The following ARHGAP24 variants were observed in gnomAD, a reference collection of about 807,000 sequenced individuals.
ARHGAP24 encodes the protein rho GTPase-activating protein 24.
Under a neutral mutation model 76.4 loss-of-function variants are expected in ARHGAP24, and 50 were observed. The ratio of observed to expected loss-of-function variants is 0.65; its 90% CI spans 0.52 to 0.83. ARHGAP24 has a LOEUF of 0.83. ARHGAP24 is among the 40% of genes least tolerant of loss of function. The pLI, the probability that ARHGAP24 is intolerant of heterozygous loss-of-function variation, is 0.00. For synonymous variants in ARHGAP24, 345 were observed against 323.3 expected, an observed-to-expected ratio of 1.07 and a Z score of -0.72; for missense variants, 930 against 914.2, an observed-to-expected ratio of 1.02 and a Z score of -0.22.
intron 3 of ARHGAP24, among the ~76,000 whole-genome samples, chr4:85,911,948 T>A (rs963586262): frequency 6.6e-6 from 1 of 152,212 alleles, no homozygotes; most frequent in East Asian, 1.9e-4. Context: ...ACTTGTGGCC[T>A]TCTGGCCTCC....
At chr4:85,648,674 A>T (rs894926077) in intron 2 of ARHGAP24, among the ~76,000 whole-genome samples, 2 of 152,140 alleles carry the variant, frequency 1.3e-5, no homozygotes, top group Non-Finnish European at 2.9e-5. Context: ...TGAGTTTTTA[A>T]TAGGAAGATT....
Position 85,994,716 on chromosome 4 carries a change from C to A in ARHGAP24, c.1062C>A (p.Thr354=). ...ACAATGAAATTCAGAAGAAAGCCAC[C>A]ATGGGGCAGTTACAGAACAAGGAGA... ...SNNNEIQKKA[T]MGQLQNKENN... is the part of the protein sequence containing the mutation. The change falls in exon 9 of 10, where the codon ACC becomes ACA. Residue 354 remains threonine (T), a synonymous_variant. Coordinates refer to ENST00000395184, the MANE Select transcript of ARHGAP24 (RefSeq NM_001025616.3). The A allele has an allele frequency of 2.5e-6, 4 of 1,614,098 alleles. No individual in the cohort carries two copies. The highest frequency in any genetic ancestry group is 3.4e-6 in the Non-Finnish European group (4 of 1,180,020).
chr4:85,762,576 T>G (rs11736641), intron 3 of ARHGAP24, among the ~76,000 whole-genome samples: 75,906 of 152,036 alleles, frequency 0.5, 22,358 homozygotes, highest in Non-Finnish European at 0.68. Context: ...AAAACAAATG[T>G]GTGAGAAAGA....
chr4:85,479,733 C>A (rs144926061), intron 1 of ARHGAP24, among the ~76,000 whole-genome samples: 27 of 152,248 alleles, frequency 1.8e-4, no homozygotes, highest in African/African-American at 6.0e-4. Context: ...GAAAAAAATT[C>A]TTTGTCTGCA....
chr4:85,742,791 T>C (rs1484853035), intron 3 of ARHGAP24, among the ~76,000 whole-genome samples: 2 of 152,220 alleles, frequency 1.3e-5, no homozygotes, highest in African/African-American at 2.4e-5. Context: ...GTACGTTTCT[T>C]AGGAGGCAAA....
intron 2 of ARHGAP24, among the ~76,000 whole-genome samples, chr4:85,668,124 C>T (rs912756449): frequency 3.9e-5 from 6 of 152,108 alleles, no homozygotes; most frequent in African/African-American, 1.4e-4. Context: ...GGCTGAAAAA[C>T]AAGAAACAGA....
chr4:85,864,626 A>T (rs1053150010), intron 3 of ARHGAP24, among the ~76,000 whole-genome samples: 8 of 150,566 alleles, frequency 5.3e-5, no homozygotes, highest in Admixed American at 2.7e-4. Context: ...TTTTTTTTTT[A>T]AATGAATAGA....
At chr4:85,540,782 A>G (rs1725645925) in intron 1 of ARHGAP24, among the ~76,000 whole-genome samples, 1 of 152,124 alleles carries the variant, frequency 6.6e-6, no homozygotes, top group Non-Finnish European at 1.5e-5. Context: ...ATATATAATT[A>G]TTAGCAAACA....
At chr4:85,743,369 G>A (rs1725895467) in intron 3 of ARHGAP24, among the ~76,000 whole-genome samples, 1 of 112,304 alleles carries the variant, frequency 8.9e-6, no homozygotes, top group Admixed American at 1.4e-4. Flanking sequence ...AGCACTTTAA[G>A]ACGCCAAGGC....
At chr4:85,949,016 C>T (rs1737448610) in intron 5 of ARHGAP24, among the ~76,000 whole-genome samples, 1 of 152,166 alleles carries the variant, frequency 6.6e-6, no homozygotes, top group Non-Finnish European at 1.5e-5. Flanking sequence ...ATACATTCAG[C>T]ATTTGGCCTG....
chr4:85,935,535 T>G (rs1260173576), intron 4 of ARHGAP24, among the ~76,000 whole-genome samples: 1 of 152,226 alleles, frequency 6.6e-6, no homozygotes, highest in Non-Finnish European at 1.5e-5. Flanking sequence ...TGGAAAAAAT[T>G]ATGTTTGAAT....
intron 4 of ARHGAP24, among the ~76,000 whole-genome samples, chr4:85,928,279 C>T (rs971965715): frequency 6.6e-6 from 1 of 151,766 alleles, no homozygotes. Flanking sequence ...ATCCCTCCCT[C>T]GCACTCTCCT....
intron 2 of ARHGAP24, among the ~76,000 whole-genome samples, chr4:85,706,803 A>G (rs1202621772): frequency 6.6e-6 from 1 of 152,126 alleles, no homozygotes; most frequent in Non-Finnish European, 1.5e-5. Flanking sequence ...TGACCTCGTG[A>G]TCCGCCCGCC....
chr4:85,929,668 A>T (rs1025941406), intron 4 of ARHGAP24, among the ~76,000 whole-genome samples: 17 of 152,220 alleles, frequency 1.1e-4, no homozygotes, highest in Non-Finnish European at 2.2e-4. Flanking sequence ...ATATGTGTTG[A>T]TGTGTTTGCA....
intron 2 of ARHGAP24, among the ~76,000 whole-genome samples, chr4:85,649,420 C>T (rs573237252): frequency 9.9e-5 from 15 of 152,136 alleles, no homozygotes; most frequent in Non-Finnish European, 1.8e-4. Flanking sequence ...GAAATTCTCA[C>T]AGCTGTAAAT....
At position 85,527,051 on chromosome 4, in the gene ARHGAP24, G is replaced by A. The variant is rs560489706; in HGVS notation, c.-20-43471G>A. On this transcript the variant is annotated intron_variant, in intron 1 of 9. Coordinates refer to ENST00000395184, the MANE Select transcript of ARHGAP24 (RefSeq NM_001025616.3). ...TATCCTGCACGCTTGATTCTCTCAG[G>A]ACATGTGAAATAGATCAGTGTAATG... Among the ~76,000 whole-genome samples the A allele has an allele frequency of 7.0e-4, 107 of 152,196 alleles. 1 individual carries two copies. Among genetic ancestry groups the A allele is most frequent in the Admixed American group, 4.3e-3 (65 of 15,268 alleles).
intron 3 of ARHGAP24, among the ~76,000 whole-genome samples, chr4:85,723,942 A>G (rs1021336831): frequency 3.3e-5 from 5 of 152,228 alleles, no homozygotes; most frequent in Non-Finnish European, 5.9e-5. Flanking sequence ...ATAACATAAC[A>G]ATTACTTTAT....
At chr4:85,478,535 G>C (rs2110085846) in intron 1 of ARHGAP24, among the ~76,000 whole-genome samples, 1 of 152,318 alleles carries the variant, frequency 6.6e-6, no homozygotes, top group African/African-American at 2.4e-5. Flanking sequence ...CTCCACTGTG[G>C]CATTGCTACA....
chr4:85,528,687 A>G (rs567245672), intron 1 of ARHGAP24, among the ~76,000 whole-genome samples: 2 of 152,212 alleles, frequency 1.3e-5, no homozygotes, highest in East Asian at 3.9e-4. Context: ...TTTGTTAAGT[A>G]AAGTTCAAAC....
Sources: gnomAD v4.1 joint callset for allele counts (sites outside exome capture counted in the v4.1 genomes callset) on GRCh38, gnomAD v4.1.1 for gene constraint, MANE v1.5 for transcripts, NCBI Gene and HGNC (gene_info 2026-07-23, HGNC 2026-07-21) for gene names.